Variants in DNAH1 observed in about 807,000 individuals in gnomAD.
DNAH1 encodes the protein axonemal beta dynein heavy chain 1.
DNAH1 carries 327 observed loss-of-function variants against 484.3 expected under a neutral mutation model. The observed-to-expected ratio is 0.68, with a 90% CI of 0.62 to 0.74. The LOEUF (loss-of-function observed/expected upper bound fraction) is 0.74. DNAH1 is among the 30% of genes least tolerant of loss of function. The pLI is 0.00. For missense variants in DNAH1, 5,052 were observed against 5,546.8 expected, an observed-to-expected ratio of 0.91 and a Z score of 2.83; for synonymous variants, 2,192 against 2,191.9, an observed-to-expected ratio of 1.00 and a Z score of 0.00.
Position 52,370,173 on chromosome 3 carries a change from A to G in DNAH1, c.6202A>G (p.Thr2068Ala), listed in dbSNP as rs1194624815. The change falls in exon 39 of 78, where the codon ACC becomes GCC. Residue 2068 changes from threonine (T) to alanine (A), a missense_variant. Thr to Ala is a moderately conservative substitution (Grantham distance 58). Transcript: ENST00000420323. ...EVIASTNCNL[T>A]MSLLKLLDCF... The stretch of plus-strand genomic sequence containing the variant: ...GATCGCCTCAACCAACTGCAACCTG[A>G]CCATGAGCCTCCTCAAGCTGCTGGA... The G allele has an allele frequency of 1.9e-6, 3 of 1,613,952 alleles. No individual in the cohort carries two copies. In the East Asian group the frequency reaches 6.7e-5, roughly 36 times the overall value.
In DNAH1 at chr3:52,344,947, G is replaced by C. The variant is rs989034997; in HGVS notation, c.1444+300G>C. On this transcript the variant is annotated intron_variant, in intron 9 of 77. Transcript: ENST00000420323. The stretch of plus-strand genomic sequence containing the variant: ...TAGGTGGAAGGGGCTCTGCTGATCA[G>C]ACCTAGAGGATAGTCCTTCTTCCTC... Among the ~76,000 whole-genome samples, 8 of 152,206 alleles carry C rather than the reference G, an allele frequency of 5.3e-5. No individual in the cohort carries two copies. The East Asian group carries it at 1.4e-3, about 26-fold the overall frequency.
Position 52,393,436 on chromosome 3 carries a change from C to T in DNAH1, c.10577C>T (p.Ala3526Val). ...TTTGAGAAGCACAAGCTGATGTTTGCCTTCCTGCTGTGTGTTCGCATCATG... is the reference window on the plus strand; with the variant it reads ...TTTGAGAAGCACAAGCTGATGTTTGTCTTCCTGCTGTGTGTTCGCATCATG... The part of the protein sequence containing the change: ...SLFEKHKLMF[A>V]FLLCVRIMMN... The change falls in exon 66 of 78, where the codon GCC (alanine) becomes GTC (valine). Residue 3526 changes from alanine (A) to valine (V), a missense_variant. Ala to Val is a moderately conservative substitution (Grantham distance 64). Around this residue, in one of 4 missense-constraint regions of DNAH1, gnomAD observed 2,929 missense variants for 3,409.4 expected, o/e 0.86. Coordinates refer to ENST00000420323, the MANE Select transcript of DNAH1 (RefSeq NM_015512.5). 6.2e-7 allele frequency: 1 copy of T among 1,614,044 alleles called. No homozygotes were observed. The highest frequency in any genetic ancestry group is 1.3e-5 in the African/African-American group (1 of 75,048).
At chr3:52,333,646 C>G (rs542016176) in intron 8 of DNAH1, among the ~76,000 whole-genome samples, 6 of 152,128 alleles carry the variant, frequency 3.9e-5, no homozygotes, top group Non-Finnish European at 8.8e-5. Context: ...CCTTGGCCTC[C>G]CAAAGGGATT....
intron 6 of DNAH1, among the ~76,000 whole-genome samples, chr3:52,329,765 G>C (rs768636070): frequency 1.3e-5 from 2 of 151,670 alleles, no homozygotes; most frequent in Non-Finnish European, 2.9e-5. Flanking sequence ...GCGGAGGTTG[G>C]AGTGAGTGGA....
intron 9 of DNAH1, among the ~76,000 whole-genome samples, chr3:52,344,882 T>C (rs1702082927): frequency 6.6e-6 from 1 of 152,202 alleles, no homozygotes; most frequent in African/African-American, 2.4e-5. Context: ...AGCACAGAAG[T>C]TGCAAGGTGA....
chr3:52,378,446 G>A (rs528055422), intron 46 of DNAH1, among the ~76,000 whole-genome samples, 156 bp from the exon 47 acceptor site: 5 of 149,734 alleles, frequency 3.3e-5, no homozygotes, highest in Non-Finnish European at 7.4e-5. Flanking sequence ...GGGGGCATCC[G>A]AGATGGGGCC....
rs1703775350 is a variant in DNAH1 at position 52,380,067 on chromosome 3, C to A, written c.7540C>A (p.Leu2514Ile). The A allele has an allele frequency of 1.2e-6, 2 of 1,605,404 alleles. No individual in the cohort carries two copies. The highest frequency in any genetic ancestry group is 4.5e-5 in the East Asian group (2 of 44,522). The change falls in exon 48 of 78, where the codon CTT (leucine) becomes ATT (isoleucine). Residue 2514 changes from leucine to isoleucine, a missense_variant. Physicochemically the swap from Leu to Ile is conservative, Grantham distance 5. Around this residue, in one of 4 missense-constraint regions of DNAH1, gnomAD observed 2,929 missense variants for 3,409.4 expected, o/e 0.86. Transcript: ENST00000420323. ...FNKVCPFQPI[L>I]YGDFMSPGSD... ...CAAGGTCTGCCCCTTCCAGCCCATT[C>A]TTTACGGGGACTTCATGTCACCAGG...
rs1703752242 is a variant in DNAH1, at chr3:52,379,631, A to G, written c.7378-274A>G. Among the ~76,000 whole-genome samples, 1 of 152,142 alleles carries G rather than the reference A, an allele frequency of 6.6e-6. No individual in the cohort carries two copies. The highest frequency in any genetic ancestry group is 2.4e-5 in the African/African-American group (1 of 41,434). ...GGAAGTGAGGTGCTTGTGACAAGCT[A>G]GCAGAGCCAGACACCCAGAGGGCAC... On this transcript the variant is annotated intron_variant, in intron 47 of 77. Transcript: ENST00000420323. This position sits in a 1 kb window ranked among gnomAD's most constrained non-coding sequence, Gnocchi z 4.4.
Position 52,348,903 on chromosome 3 carries a change from A to T in DNAH1, c.2122A>T (p.Ile708Phe). ...PQLEKLVMEDIFISGDPLLES... is the reference protein window; with the variant it reads ...PQLEKLVMEDFFISGDPLLES... ...CCCTCTGCAGCTGGTGATGGAGGAC[A>T]TCTTCATCAGCGGTGACCCCCTGCT... Residue 708 changes from isoleucine to phenylalanine, a missense_variant, in exon 13 of 78, where the codon ATC (isoleucine) becomes TTC (phenylalanine). Around this residue, in one of 4 missense-constraint regions of DNAH1, gnomAD observed 1,263 missense variants for 1,218.8 expected, o/e 1.04. Coordinates refer to ENST00000420323, the MANE Select transcript of DNAH1 (RefSeq NM_015512.5). The T allele has an allele frequency of 6.2e-7, 1 of 1,612,984 alleles. No homozygotes were observed. The highest frequency in any genetic ancestry group is 8.5e-7 in the Non-Finnish European group (1 of 1,179,802).
rs1288303739 is a variant in DNAH1 at position 52,325,634 on chromosome 3, AT to A, written c.407-500del. On this transcript the variant is annotated intron_variant, in intron 3 of 77. Coordinates refer to ENST00000420323, the MANE Select transcript of DNAH1 (RefSeq NM_015512.5). The stretch of plus-strand genomic sequence containing the variant: ...CCTGCTCATCTAAGTAGCGGCAGTC[AT>A]TTTTTGACTTGAGGGTCCTGCAGGG... Among the ~76,000 whole-genome samples the A allele has an allele frequency of 9.2e-5, 14 of 152,254 alleles. No homozygotes were observed. The East Asian group carries it at 2.7e-3, about 29-fold the overall frequency.
Position 52,383,983 on chromosome 3 carries a change from C to T in DNAH1, c.8274C>T (p.Leu2758=). The change falls in exon 52 of 78, where the codon CTC becomes CTT. Residue 2758 remains leucine, a synonymous_variant. Transcript: ENST00000420323. Reference sequence around the variant, plus strand: ...TGAAGTCTGTGGCCACCGTGTTCCTCAATGAGATCCCAGAACTGGAATCCT... The same window carrying T: ...TGAAGTCTGTGGCCACCGTGTTCCTTAATGAGATCCCAGAACTGGAATCCT... ...EALKSVATVF[L]NEIPELESSQ... 6.2e-7 allele frequency: 1 copy of T among 1,610,750 alleles called. No individual in the cohort carries two copies. Among genetic ancestry groups the T allele is most frequent in the Admixed American group, 1.7e-5 (1 of 59,518 alleles).
chr3:52,368,958 T>C lies in DNAH1; in HGVS notation c.5943+40T>C, dbSNP rs376600065. On this transcript the variant is annotated intron_variant, in intron 37 of 77. Transcript: ENST00000420323. The surrounding 1 kb of genome is among the most constrained non-coding windows in gnomAD (Gnocchi z 4.4). The stretch of plus-strand genomic sequence containing the variant: ...CCACCTGCCCACTCTCCTCCAAGGC[T>C]GGGTGGGCCTGGAGGCTGCATCATG... 1.2e-6 allele frequency: 2 copies of C among 1,600,208 alleles called. No individual in the cohort carries two copies. Among genetic ancestry groups the C allele is most frequent in the Non-Finnish European group, 1.7e-6 (2 of 1,168,976 alleles).
intron 58 of DNAH1, 74 bp downstream of exon 58, chr3:52,388,683 G>T: frequency 6.2e-7 from 1 of 1,607,790 alleles, no homozygotes; most frequent in Non-Finnish European, 8.5e-7. Flanking sequence ...CAGGGCGCCG[G>T]TGGGTCCTGG....
At chr3:52,392,744 C>G (rs1047629832) in intron 64 of DNAH1, 55 bp downstream of exon 64, 37 of 1,557,130 alleles carry the variant, frequency 2.4e-5, no homozygotes, top group Non-Finnish European at 2.9e-5. Flanking sequence ...GCCTGCCCCC[C>G]ACCTCTCCCT....
chr3:52,384,068 C>T (rs1703988326), intron 52 of DNAH1, 37 bp downstream of exon 52: 1 of 1,533,518 alleles, frequency 6.5e-7, no homozygotes, highest in East Asian at 2.4e-5. Flanking sequence ...CTTGGGGAGA[C>T]CTGTTTAGCT....
Position 52,357,611 on chromosome 3 carries a change from C to T in DNAH1, c.3859-3C>T. On this transcript the variant is annotated splice_polypyrimidine_tract_variant and splice_region_variant and intron_variant, in intron 22 of 77. Transcript: ENST00000420323. Reference sequence around the variant, plus strand: ...ATTTCTGTGCATGGCCCGGGCCCTGCAGGTGATCAATGTGTGTTCCGACCT... The same window carrying T: ...ATTTCTGTGCATGGCCCGGGCCCTGTAGGTGATCAATGTGTGTTCCGACCT... 1.3e-6 allele frequency: 2 copies of T among 1,598,508 alleles called. No homozygotes were observed. Among genetic ancestry groups the T allele is most frequent in the Non-Finnish European group, 1.7e-6 (2 of 1,172,010 alleles).
In DNAH1 at chr3:52,368,341, G is replaced by C. The variant is rs957107354; in HGVS notation, c.5766-400G>C. Among the ~76,000 whole-genome samples the C allele has an allele frequency of 2.6e-5, 4 of 152,158 alleles. No individual in the cohort carries two copies. Among genetic ancestry groups the C allele is most frequent in the Admixed American group, 1.3e-4 (2 of 15,274 alleles). On this transcript the variant is annotated intron_variant, in intron 36 of 77. Transcript: ENST00000420323. This position sits in a 1 kb window ranked among gnomAD's most constrained non-coding sequence, Gnocchi z 4.4. ...ACCAGCCCCTTCCCTGGTGCGTGCT[G>C]CCTCTGAGGTCTGAGTCCCCTGGGT...
Position 52,354,935 on chromosome 3 carries a change from C to G in DNAH1, c.3573C>G (p.Asp1191Glu). The G allele has an allele frequency of 6.2e-7, 1 of 1,614,006 alleles. No individual in the cohort carries two copies. The highest frequency in any genetic ancestry group is 8.5e-7 in the Non-Finnish European group (1 of 1,179,898). ...ACACCTACATCCTGAAGAGCCCGGA[C>G]GAGGCCTCACAGCTGCTGGACGACC... ...ATDTYILKSP[D>E]EASQLLDDHI... is the part of the protein sequence containing the mutation. The change falls in exon 21 of 78, where the codon GAC (aspartate) becomes GAG (glutamate). Residue 1191 changes from aspartate to glutamate, a missense_variant. By Grantham distance (45) the Asp-to-Glu change is conservative. This residue lies in a region of DNAH1 where 2,929 missense variants were observed against 3,409.4 expected (regional missense o/e 0.86). Transcript: ENST00000420323.
intron 41 of DNAH1, among the ~76,000 whole-genome samples, chr3:52,371,522 G>C (rs539968513): frequency 6.6e-6 from 1 of 152,228 alleles, no homozygotes; most frequent in Non-Finnish European, 1.5e-5. Flanking sequence ...GGACCTAGTG[G>C]CCTCTCAGCT....
Sources: allele counts gnomAD v4.1 joint callset (sites outside exome capture counted in the v4.1 genomes callset), GRCh38; gene constraint gnomAD v4.1.1; regional missense constraint gnomAD v4.1.1; non-coding constraint Gnocchi (gnomAD v3.1); transcripts MANE v1.5; gene names NCBI Gene and HGNC (gene_info 2026-07-23, HGNC 2026-07-21).